The following DRC8 variants were observed in gnomAD, a reference collection of about 807,000 sequenced individuals.
The protein encoded by DRC8 is dynein regulatory complex subunit 8, also known as dynein regulatory complex protein 8.
chr1:245,032,249 C>G, the DRC8 span, among the ~76,000 whole-genome samples: 2 of 152,098 alleles, frequency 1.3e-5, no homozygotes, highest in African/African-American at 2.4e-5. Context: ...CATGGGAATT[C>G]ATTACTTTTA....
the DRC8 span, among the ~76,000 whole-genome samples, chr1:245,022,430 C>G: frequency 6.6e-6 from 1 of 151,970 alleles, no homozygotes; most frequent in Non-Finnish European, 1.5e-5. Context: ...TCCCAAAGTA[C>G]TGGAATTACA....
the DRC8 span, among the ~76,000 whole-genome samples, chr1:245,003,214 C>T: frequency 6.6e-6 from 1 of 152,162 alleles, no homozygotes; most frequent in Non-Finnish European, 1.5e-5. Flanking sequence ...GCTGTTTCCA[C>T]CTTCTGTCTA....
At chr1:244,969,931 C>T in the DRC8 span, 1 of 484,728 alleles carries the variant, frequency 2.1e-6, no homozygotes, top group Non-Finnish European at 3.6e-6. Context: ...GTTCTATCAC[C>T]CCCTTGGGAG....
At chr1:245,094,557 C>A in the DRC8 span, among the ~76,000 whole-genome samples, 1 of 152,024 alleles carries the variant, frequency 6.6e-6, no homozygotes, top group Non-Finnish European at 1.5e-5. Flanking sequence ...CTGTATGGAC[C>A]CCAGGAAGAT....
At chr1:245,110,968 C>A in the DRC8 span, among the ~76,000 whole-genome samples, 1 of 151,942 alleles carries the variant, frequency 6.6e-6, no homozygotes, top group East Asian at 1.9e-4. Context: ...CCTATGTCAG[C>A]TATGGTATAC....
At chr1:245,119,699 C>T in the DRC8 span, among the ~76,000 whole-genome samples, 4 of 150,970 alleles carry the variant, frequency 2.6e-5, no homozygotes, top group South Asian at 2.1e-4. Context: ...TTTGGGAGGC[C>T]GAGGCATGCG....
chr1:245,013,752 C>T, the DRC8 span, among the ~76,000 whole-genome samples: 15 of 151,600 alleles, frequency 9.9e-5, no homozygotes, highest in African/African-American at 2.9e-4. Context: ...AACTCTGGGC[C>T]GGGCGCAGAG....
the DRC8 span, chr1:245,017,438 T>A: frequency 1.1e-5 from 12 of 1,098,754 alleles, no homozygotes; most frequent in South Asian, 2.4e-4. Flanking sequence ...TTATGCTCTT[T>A]TAAGTATTTA....
chr1:244,991,430 A>G, the DRC8 span, among the ~76,000 whole-genome samples: 2 of 151,968 alleles, frequency 1.3e-5, no homozygotes, highest in African/African-American at 4.8e-5. Context: ...GCCATTCGAG[A>G]TTCGCTCAAT....
At chr1:244,973,811 G>A in the DRC8 span, among the ~76,000 whole-genome samples, 1 of 152,158 alleles carries the variant, frequency 6.6e-6, no homozygotes, top group South Asian at 2.1e-4. Flanking sequence ...TCAATATTTA[G>A]AGATTAACTT....
At chr1:244,980,040 T>TAAAA in the DRC8 span, among the ~76,000 whole-genome samples, 11 of 34,734 alleles carry the variant, frequency 3.2e-4, no homozygotes, top group East Asian at 3.6e-3. Flanking sequence ...CCGTCTCTAC[T>TAAAA]AAAAAAAAAA....
chr1:245,039,474 TA>T, the DRC8 span, among the ~76,000 whole-genome samples: 7,597 of 121,332 alleles, frequency 0.063, 645 homozygotes, highest in African/African-American at 0.21. Context: ...CGCTGCCTCT[TA>T]AAAAAAAAAA....
the DRC8 span, among the ~76,000 whole-genome samples, chr1:245,042,227 C>T: frequency 5.5e-3 from 841 of 152,332 alleles, 2 homozygotes; most frequent in Non-Finnish European, 9.2e-3. Context: ...CTCAGTCACT[C>T]TGTAATATCC....
At chr1:245,029,705 C>T in the DRC8 span, among the ~76,000 whole-genome samples, 1 of 151,724 alleles carries the variant, frequency 6.6e-6, no homozygotes, top group Admixed American at 6.6e-5. Context: ...AAGTGATTCT[C>T]CTGCCTCAGC....
the DRC8 span, chr1:245,123,103 A>G: frequency 6.6e-6 from 1 of 152,228 alleles, no homozygotes; most frequent in Non-Finnish European, 1.5e-5. This position sits in a 1 kb window ranked among gnomAD's most constrained non-coding sequence, Gnocchi z 5.0. Flanking sequence ...ACAAATAAAA[A>G]GCCTCACTTT....
At chr1:244,998,857 A>G in the DRC8 span, among the ~76,000 whole-genome samples, 1 of 152,110 alleles carries the variant, frequency 6.6e-6, no homozygotes, top group Non-Finnish European at 1.5e-5. Flanking sequence ...TTTTTATATT[A>G]CCTGCTTAGG....
the DRC8 span, chr1:245,082,232 C>A: frequency 7.1e-7 from 1 of 1,404,790 alleles, no homozygotes; most frequent in Non-Finnish European, 1.0e-6. Context: ...TTTCAGGACG[C>A]TTGGCTTTTT....
At chr1:245,084,065 C>CCCA in the DRC8 span, among the ~76,000 whole-genome samples, 1 of 116,198 alleles carries the variant, frequency 8.6e-6, no homozygotes, top group Non-Finnish European at 1.8e-5. Context: ...AAATTCCGCC[C>CCCA]CCCCCCCGGC....
chr1:245,011,191 A>G, the DRC8 span, among the ~76,000 whole-genome samples: 1 of 152,212 alleles, frequency 6.6e-6, no homozygotes, highest in African/African-American at 2.4e-5. Context: ...TAGATGAAAC[A>G]AAGTTTCTCT....
Sources: allele counts gnomAD v4.1 joint callset (sites outside exome capture counted in the v4.1 genomes callset), GRCh38; gene constraint gnomAD v4.1.1; non-coding constraint Gnocchi (gnomAD v3.1); transcripts MANE v1.5; gene names NCBI Gene and HGNC (gene_info 2026-07-23, HGNC 2026-07-21).